Variants in GTF3C5 observed in about 807,000 individuals in gnomAD.
GTF3C5 encodes general transcription factor IIIC subunit 5.
GTF3C5 carries 47 observed loss-of-function variants against 61.0 expected under a neutral mutation model. The observed-to-expected ratio is 0.77, with a 90% CI of 0.61 to 0.98. GTF3C5 has a LOEUF of 0.98. Among genes scored for constraint, GTF3C5 ranks in the 50% least tolerant of loss-of-function variants. The pLI is 0.00. For missense variants in GTF3C5, 659 were observed against 703.3 expected, an observed-to-expected ratio of 0.94 and a Z score of 0.71; for synonymous variants, 295 against 275.4, an observed-to-expected ratio of 1.07 and a Z score of -0.71.
intron 10 of GTF3C5, among the ~76,000 whole-genome samples, chr9:133,057,453 C>G (rs1387673559): frequency 6.6e-6 from 1 of 152,216 alleles, no homozygotes; most frequent in Non-Finnish European, 1.5e-5. Flanking sequence ...TGGACCCAGC[C>G]ACGCCCCACA....
chr9:133,055,245 T>C, intron 8 of GTF3C5: 2 of 1,481,262 alleles, frequency 1.4e-6, no homozygotes, highest in Non-Finnish European at 9.0e-7. Context: ...CCAGCGGGGG[T>C]TGGCGGTTTC....
chr9:133,041,612 C>T (rs1429760659), intron 1 of GTF3C5, among the ~76,000 whole-genome samples: 2 of 152,186 alleles, frequency 1.3e-5, no homozygotes, highest in Non-Finnish European at 2.9e-5. Flanking sequence ...AACAGTGCAG[C>T]CAGACATTTG....
intron 9 of GTF3C5, among the ~76,000 whole-genome samples, chr9:133,056,363 G>C (rs572211208): frequency 6.6e-6 from 1 of 152,358 alleles, no homozygotes; most frequent in African/African-American, 2.4e-5. Flanking sequence ...AAGGCCCCAT[G>C]AGGTGGTTCT....
At chr9:133,049,933 C>G (rs1416890506) in intron 3 of GTF3C5, among the ~76,000 whole-genome samples, 1 of 152,100 alleles carries the variant, frequency 6.6e-6, no homozygotes, top group South Asian at 2.1e-4. Context: ...TATGCTGAGA[C>G]GTCGTCACCC....
At chr9:133,054,597 C>T (rs1047879267) in intron 7 of GTF3C5, 109 bp downstream of exon 7, 14 of 1,407,884 alleles carry the variant, frequency 9.9e-6, no homozygotes, top group African/African-American at 7.1e-5. Context: ...AGGGCTCTGC[C>T]GGTCATTCCT....
At chr9:133,053,695 G>T (rs1284130872) in intron 5 of GTF3C5, 133 bp from the exon 6 acceptor site, 4 of 537,984 alleles carry the variant, frequency 7.4e-6, no homozygotes, top group Non-Finnish European at 1.0e-5. Context: ...CCTGCATGTG[G>T]CAGAGCAGGG....
chr9:133,031,181 C>A lies in GTF3C5; in HGVS notation c.153+17C>A. 1.3e-6 allele frequency: 2 copies of A among 1,550,156 alleles called. No individual in the cohort carries two copies. Among genetic ancestry groups the A allele is most frequent in the Non-Finnish European group, 1.7e-6 (2 of 1,147,528 alleles). Reference sequence around the variant, plus strand: ...GTCTCCCGGGTAAGGGGCTGGGAATCTCGGTGTTGGAATAAGAGCTCGGAG... The same window carrying A: ...GTCTCCCGGGTAAGGGGCTGGGAATATCGGTGTTGGAATAAGAGCTCGGAG... On this transcript the variant is annotated intron_variant, in intron 1 of 10. Transcript: ENST00000372097.
chr9:133,055,563 C>T lies in GTF3C5; in HGVS notation c.1168-449C>T, dbSNP rs183539339. ...TACTCTAGAACTACATGGCTGGGTA[C>T]GGAAAGGAGAGAGCAAACACTCACT... On this transcript the variant is annotated intron_variant, in intron 8 of 10. Coordinates refer to ENST00000372097, the MANE Select transcript of GTF3C5 (RefSeq NM_012087.4). 1,033 of 985,410 alleles carry T rather than the reference C, an allele frequency of 1.0e-3. 1 individual carries two copies. The highest frequency in any genetic ancestry group is 1.2e-3 in the Non-Finnish European group (978 of 829,922). 61.0% of individuals were successfully genotyped at this position (985,410 alleles called of 1,614,324 possible). A position where few individuals can be genotyped will look rare whatever the true frequency, so the allele number is the denominator to read the frequency against.
chr9:133,054,402 C>T lies in GTF3C5; in HGVS notation c.989-6C>T, dbSNP rs986995489. 3 of 1,613,894 alleles carry T rather than the reference C, an allele frequency of 1.9e-6. No homozygotes were observed. Among genetic ancestry groups the T allele is most frequent in the South Asian group, 2.2e-5 (2 of 91,090 alleles). The stretch of plus-strand genomic sequence containing the variant: ...GCCCACCTGACTTGCCCGCCCTCGC[C>T]TACAGGTTACGCCCCCAGTGACTTG... On this transcript the variant is annotated splice_region_variant and splice_polypyrimidine_tract_variant and intron_variant, in intron 6 of 10. Transcript: ENST00000372097.
intron 5 of GTF3C5, among the ~76,000 whole-genome samples, chr9:133,053,550 A>G (rs1313579731): frequency 6.6e-6 from 1 of 152,112 alleles, no homozygotes; most frequent in Non-Finnish European, 1.5e-5. Flanking sequence ...TTGCCACTGC[A>G]CTCAGCCTGG....
chr9:133,042,761 A>G (rs1313512622), intron 2 of GTF3C5, among the ~76,000 whole-genome samples: 2 of 152,270 alleles, frequency 1.3e-5, no homozygotes, highest in South Asian at 4.1e-4. Flanking sequence ...TTTCCCACCT[A>G]CCAGGAACCC....
At chr9:133,057,565 G>A (rs1487950231) in intron 10 of GTF3C5, among the ~76,000 whole-genome samples, 2 of 152,184 alleles carry the variant, frequency 1.3e-5, no homozygotes, top group Admixed American at 6.5e-5. Flanking sequence ...AGAAAATGGT[G>A]TGTTCACTCC....
intron 2 of GTF3C5, 50 bp downstream of exon 2, chr9:133,042,356 C>T (rs1850064387): frequency 3.2e-6 from 4 of 1,241,226 alleles, no homozygotes; most frequent in Admixed American, 1.7e-5. Context: ...GGCTGGCCAT[C>T]CTAGCTGCCT....
intron 1 of GTF3C5, among the ~76,000 whole-genome samples, chr9:133,039,735 C>G (rs1223439428): frequency 1.3e-5 from 2 of 152,204 alleles, no homozygotes; most frequent in African/African-American, 4.8e-5. Flanking sequence ...TGGCCCAGTT[C>G]TCTGTTCCTA....
At chr9:133,053,223 TGGGC>T (rs1850439350) in intron 5 of GTF3C5, among the ~76,000 whole-genome samples, 1 of 152,136 alleles carries the variant, frequency 6.6e-6, no homozygotes, top group African/African-American at 2.4e-5. Flanking sequence ...GTAGTAACAT[TGGGC>T]ACTTAATATG....
chr9:133,056,198 A>T, intron 9 of GTF3C5, 104 bp downstream of exon 9: 1 of 897,494 alleles, frequency 1.1e-6, no homozygotes, highest in Admixed American at 2.1e-5. Flanking sequence ...CATCTCCGGC[A>T]AGAGCACTCG....
At chr9:133,038,194 T>TAC (rs1849932376) in intron 1 of GTF3C5, among the ~76,000 whole-genome samples, 1 of 151,456 alleles carries the variant, frequency 6.6e-6, no homozygotes, top group South Asian at 2.1e-4. Flanking sequence ...AAGAAGGGAG[T>TAC]TGAACAAGCT....
intron 5 of GTF3C5, among the ~76,000 whole-genome samples, chr9:133,052,666 C>T (rs1323207082): frequency 6.6e-6 from 1 of 152,096 alleles, no homozygotes; most frequent in African/African-American, 2.4e-5. Flanking sequence ...GGGATCCTCC[C>T]CGCTGCCAGG....
intron 1 of GTF3C5, among the ~76,000 whole-genome samples, chr9:133,035,452 C>T (rs1849838309): frequency 1.3e-5 from 2 of 152,214 alleles, no homozygotes; most frequent in African/African-American, 4.8e-5. Flanking sequence ...AGTATAAATT[C>T]CTATACATCC....
Sources: gnomAD v4.1 joint callset for allele counts (sites outside exome capture counted in the v4.1 genomes callset) on GRCh38, gnomAD v4.1.1 for gene constraint, MANE v1.5 for transcripts, NCBI Gene and HGNC (gene_info 2026-07-23, HGNC 2026-07-21) for gene names.